The following PEX14 variants were observed in gnomAD, a reference collection of about 807,000 sequenced individuals.
The protein encoded by PEX14 is peroxisomal membrane protein PEX14.
PEX14 carries 15 observed loss-of-function variants against 49.5 expected under a neutral mutation model. That is an observed-to-expected ratio of 0.30 (90% CI 0.20 to 0.47). The LOEUF is 0.47. PEX14 is among the 20% of genes least tolerant of loss of function. The probability of loss-of-function intolerance (pLI) is 1.00; values close to 1 mark genes in which losing one functional copy is unlikely to be tolerated. For missense variants in PEX14, 398 were observed against 494.8 expected, an observed-to-expected ratio of 0.80 and a Z score of 1.86; for synonymous variants, 210 against 212.7, an observed-to-expected ratio of 0.99 and a Z score of 0.11.
At chr1:10,532,910 C>G (rs1341899720) in intron 2 of PEX14, among the ~76,000 whole-genome samples, 2 of 152,122 alleles carry the variant, frequency 1.3e-5, no homozygotes, top group Non-Finnish European at 2.9e-5. Flanking sequence ...AGGCACAAAC[C>G]GAGTGCCCTG....
intron 2 of PEX14, among the ~76,000 whole-genome samples, chr1:10,497,152 G>C (rs1474000617): frequency 6.6e-6 from 1 of 151,916 alleles, no homozygotes; most frequent in African/African-American, 2.4e-5. Flanking sequence ...TATTGCTTTT[G>C]GCCAAGCATT....
intron 1 of PEX14, among the ~76,000 whole-genome samples, chr1:10,491,162 C>T (rs922105056): frequency 2.3e-4 from 35 of 151,626 alleles, no homozygotes; most frequent in African/African-American, 8.2e-4. Context: ...CTACTGTGCC[C>T]GGCCTGCTTC....
intron 7 of PEX14, among the ~76,000 whole-genome samples, chr1:10,626,993 G>A (rs991828323): frequency 1.3e-5 from 2 of 152,138 alleles, no homozygotes; most frequent in African/African-American, 4.8e-5. Flanking sequence ...GCACGCCTCC[G>A]CATGTCTCTA....
intron 2 of PEX14, among the ~76,000 whole-genome samples, chr1:10,515,486 G>C (rs1395570384): frequency 2.0e-5 from 3 of 152,152 alleles, no homozygotes; most frequent in South Asian, 2.1e-4. Context: ...ATTTCCCCTT[G>C]AGACACCCTG....
At chr1:10,627,189 C>A in intron 7 of PEX14, 83 bp from the exon 8 acceptor site, 4 of 911,204 alleles carry the variant, frequency 4.4e-6, no homozygotes, top group Non-Finnish European at 7.4e-6. Context: ...CACCTGCTGC[C>A]CCCACCCAGG....
intron 2 of PEX14, among the ~76,000 whole-genome samples, chr1:10,525,018 T>C (rs1218884004): frequency 6.6e-6 from 1 of 152,228 alleles, no homozygotes; most frequent in African/African-American, 2.4e-5. Flanking sequence ...AGTGTGTGTT[T>C]GTTTATTGGT....
chr1:10,553,334 C>A lies in PEX14; in HGVS notation c.169+17037C>A, dbSNP rs527306342. On this transcript the variant is annotated intron_variant, in intron 3 of 8. Coordinates refer to ENST00000356607, the MANE Select transcript of PEX14 (RefSeq NM_004565.3). ...GGAGGATAGCAGATGAAAGAGTAGA[C>A]CAGGAGTGAGAGACGCTGTGAAGAG... Among the ~76,000 whole-genome samples the A allele has an allele frequency of 2.0e-5, 3 of 152,140 alleles. No individual in the cohort carries two copies. The East Asian group carries it at 5.8e-4, about 29-fold the overall frequency.
At chr1:10,528,098 G>A (rs1255624067) in intron 2 of PEX14, among the ~76,000 whole-genome samples, 2 of 152,196 alleles carry the variant, frequency 1.3e-5, no homozygotes, top group Non-Finnish European at 1.5e-5. Flanking sequence ...CTTGCCCTTA[G>A]GGCAGGTGGC....
At chr1:10,559,937 G>T (rs34106242) in intron 3 of PEX14, among the ~76,000 whole-genome samples, 17,124 of 152,192 alleles carry the variant, frequency 0.11, 1,054 homozygotes, top group African/African-American at 0.13. Flanking sequence ...CAGATGATAA[G>T]ATTCCAGTTC....
chr1:10,526,276 C>A (rs1638480509), intron 2 of PEX14, among the ~76,000 whole-genome samples: 1 of 147,738 alleles, frequency 6.8e-6, no homozygotes, highest in Non-Finnish European at 1.5e-5. Context: ...GGCTGGAGTG[C>A]AGTGGCGTGA....
chr1:10,630,202 C>T lies in PEX14; in HGVS notation c.*215C>T. 1 of 727,212 alleles carries T rather than the reference C, an allele frequency of 1.4e-6. No homozygotes were observed. The highest frequency in any genetic ancestry group is 2.2e-6 in the Non-Finnish European group (1 of 454,206). The allele number at this position is 727,212 out of a possible 1,614,324, so 45.0% of individuals were successfully genotyped here. A position where few individuals can be genotyped will look rare whatever the true frequency, so the allele number is the denominator to read the frequency against. The stretch of plus-strand genomic sequence containing the variant: ...CTGGCCGCCAGCCCCAGCCCCAGCC[C>T]CAGCCCCAGGCCCAGCTGCCTTTGG... On this transcript the variant is annotated 3_prime_UTR_variant, in exon 9 of 9. Transcript: ENST00000356607. This position sits in a 1 kb window ranked among gnomAD's most constrained non-coding sequence, Gnocchi z 4.1.
chr1:10,511,757 C>T (rs893497526), intron 2 of PEX14, among the ~76,000 whole-genome samples: 1 of 151,936 alleles, frequency 6.6e-6, no homozygotes, highest in African/African-American at 2.4e-5. Flanking sequence ...GATCTCTGAC[C>T]TCTGTGGCCC....
At chr1:10,607,063 G>A (rs1641147474) in intron 4 of PEX14, among the ~76,000 whole-genome samples, 1 of 152,006 alleles carries the variant, frequency 6.6e-6, no homozygotes, top group South Asian at 2.1e-4. Context: ...CCACTGATCT[G>A]CTTTCTATTA....
chr1:10,570,230 T>C (rs547458246), intron 3 of PEX14, among the ~76,000 whole-genome samples: 23 of 152,290 alleles, frequency 1.5e-4, no homozygotes, highest in South Asian at 1.0e-3. Context: ...TTCCCTTTTT[T>C]CCCCCACATT....
chr1:10,536,342 G>A (rs1322450731), intron 3 of PEX14, 45 bp downstream of exon 3: 1 of 1,172,972 alleles, frequency 8.5e-7, no homozygotes, highest in Non-Finnish European at 1.3e-6. Flanking sequence ...CAGGGGGACT[G>A]GGGCTGGGGC....
At chr1:10,508,694 TG>T (rs1641832268) in intron 2 of PEX14, among the ~76,000 whole-genome samples, 1 of 152,162 alleles carries the variant, frequency 6.6e-6, no homozygotes, top group African/African-American at 2.4e-5. Flanking sequence ...CAGAACCAGA[TG>T]GTTGCAGTCC....
intron 3 of PEX14, among the ~76,000 whole-genome samples, chr1:10,575,074 TAAAAAAAAAAAAGGAAG>T (rs989878682): frequency 8.1e-6 from 1 of 123,394 alleles, no homozygotes; most frequent in Admixed American, 7.6e-5. Flanking sequence ...GTCTCTTAAA[TAAAAAAAAAAAAGGAAG>T]AAAAGAAAAA....
intron 7 of PEX14, among the ~76,000 whole-genome samples, chr1:10,625,408 A>G (rs1349804128): frequency 6.6e-6 from 1 of 152,174 alleles, no homozygotes; most frequent in Non-Finnish European, 1.5e-5. Context: ...TTACCCAGGG[A>G]AAGCCACTCC....
intron 1 of PEX14, among the ~76,000 whole-genome samples, chr1:10,482,972 G>C (rs1367136807): frequency 6.6e-6 from 1 of 152,110 alleles, no homozygotes; most frequent in Non-Finnish European, 1.5e-5. Context: ...TTTAGATCCG[G>C]GTTAAACATT....
Sources: gnomAD v4.1 joint callset for allele counts (sites outside exome capture counted in the v4.1 genomes callset) on GRCh38, gnomAD v4.1.1 for gene constraint, Gnocchi (gnomAD v3.1) non-coding constraint, MANE v1.5 for transcripts, NCBI Gene and HGNC (gene_info 2026-07-23, HGNC 2026-07-21) for gene names.